Variants in ITGA3 observed in about 807,000 individuals in gnomAD.
ITGA3 encodes the protein integrin subunit alpha 3, also known as integrin alpha-3.
In ITGA3, 70 loss-of-function variants were observed where a neutral mutation model predicts 131.1. That is an observed-to-expected ratio of 0.53 (90% CI 0.44 to 0.65). The LOEUF is 0.65. Among genes scored for constraint, ITGA3 ranks in the 30% least tolerant of loss-of-function variants. The pLI, the probability that ITGA3 is intolerant of heterozygous loss-of-function variation, is 0.00. For missense variants in ITGA3, 1,098 were observed against 1,388.6 expected, an observed-to-expected ratio of 0.79 and a Z score of 3.33; for synonymous variants, 537 against 571.6, an observed-to-expected ratio of 0.94 and a Z score of 0.86.
chr17:50,079,140 A>C lies in ITGA3; in HGVS notation c.2465A>C (p.Tyr822Ser). ...GTLVLGLEWPYEVSNGKWLLY... is the reference protein window; with the variant it reads ...GTLVLGLEWPSEVSNGKWLLY... ...CTGGTCCTAGGTCTGGAGTGGCCCT[A>C]CGAAGTCAGCAATGGCAAGTGGCTG... Residue 822 changes from tyrosine (Y) to serine (S), a missense_variant, in exon 20 of 26, where the codon TAC becomes TCC. Tyr to Ser is a moderately radical substitution (Grantham distance 144, BLOSUM62 -2). Coordinates refer to ENST00000320031, the MANE Select transcript of ITGA3 (RefSeq NM_002204.4). 1 of 1,613,942 alleles carries C rather than the reference A, an allele frequency of 6.2e-7. No individual in the cohort carries two copies. Among genetic ancestry groups the C allele is most frequent in the Non-Finnish European group, 8.5e-7 (1 of 1,179,956 alleles).
chr17:50,081,088 T>C, intron 22 of ITGA3: 1 of 522,878 alleles, frequency 1.9e-6, no homozygotes, highest in Non-Finnish European at 3.4e-6. Context: ...TTGTTTCGGT[T>C]GTCCCCAGCA....
At chr17:50,088,496 C>T in intron 25 of ITGA3, 130 bp downstream of exon 25, 1 of 589,176 alleles carries the variant, frequency 1.7e-6, no homozygotes, top group South Asian at 2.0e-5. Context: ...CCCCAAAGAT[C>T]AGGTCACTCT....
In ITGA3 at chr17:50,076,921, G is replaced by A; in HGVS notation, c.1923-53G>A. ...CCCAGGGGCGGGGCCTAGTTGATCC[G>A]GGAGTGCCCTGGGGGCGGGGCTCTT... On this transcript the variant is annotated intron_variant, in intron 14 of 25. Coordinates refer to ENST00000320031, the MANE Select transcript of ITGA3 (RefSeq NM_002204.4). The A allele has an allele frequency of 3.8e-6, 6 of 1,565,908 alleles. No homozygotes were observed. The South Asian group carries it at 4.7e-5, about 12-fold the overall frequency.
chr17:50,090,107 GC>G lies in ITGA3; in HGVS notation c.*1033del. 1 of 382,740 alleles carries G rather than the reference GC, an allele frequency of 2.6e-6. No homozygotes were observed. The highest frequency in any genetic ancestry group is 5.4e-6 in the Non-Finnish European group (1 of 185,274). 23.7% of individuals were successfully genotyped at this position (382,740 alleles called of 1,614,324 possible). On this transcript the variant is annotated 3_prime_UTR_variant, in exon 26 of 26. Coordinates refer to ENST00000320031, the MANE Select transcript of ITGA3 (RefSeq NM_002204.4). Reference sequence around the variant, plus strand: ...CACCACTACCAGCCAGCCTCAGAAGGCCCCAGAGAGACCCTGCAAGACCACG... The same window carrying G: ...CACCACTACCAGCCAGCCTCAGAAGGCCCAGAGAGACCCTGCAAGACCACG...
chr17:50,060,377 TCTC>T (rs1193374767), intron 1 of ITGA3, among the ~76,000 whole-genome samples: 1 of 152,174 alleles, frequency 6.6e-6, no homozygotes, highest in Non-Finnish European at 1.5e-5. Flanking sequence ...CCAGGGGCCT[TCTC>T]CTCTTTGAGG....
At chr17:50,081,648 C>G (rs1344682434) in intron 23 of ITGA3, among the ~76,000 whole-genome samples, 1 of 152,186 alleles carries the variant, frequency 6.6e-6, no homozygotes, top group Non-Finnish European at 1.5e-5. Flanking sequence ...AATGTGCAGC[C>G]AGGGCTGAGA....
At chr17:50,085,292 C>A (rs1184340041) in intron 23 of ITGA3, among the ~76,000 whole-genome samples, 1 of 151,764 alleles carries the variant, frequency 6.6e-6, no homozygotes, top group Non-Finnish European at 1.5e-5. Flanking sequence ...TTATGTAGAT[C>A]ATATTAATAT....
At chr17:50,060,435 C>T (rs1908022886) in intron 1 of ITGA3, among the ~76,000 whole-genome samples, 1 of 152,240 alleles carries the variant, frequency 6.6e-6, no homozygotes, top group Admixed American at 6.5e-5. Context: ...CTGTGCCGCG[C>T]CCTTCTTTGA....
At chr17:50,065,586 C>T (rs989268132) in intron 3 of ITGA3, 1 of 152,302 alleles carries the variant, frequency 6.6e-6, no homozygotes, top group African/African-American at 2.4e-5. Context: ...GATAGTTCCA[C>T]ATGGCTGGGG....
At chr17:50,074,766 C>A (rs1178108051) in intron 10 of ITGA3, among the ~76,000 whole-genome samples, 2 of 152,160 alleles carry the variant, frequency 1.3e-5, no homozygotes, top group Non-Finnish European at 2.9e-5. Context: ...GAGCTCTGGA[C>A]GGCCTGGTTC....
intron 1 of ITGA3, among the ~76,000 whole-genome samples, chr17:50,057,028 G>A (rs116865482): frequency 2.0e-5 from 3 of 152,180 alleles, no homozygotes; most frequent in Non-Finnish European, 4.4e-5. Flanking sequence ...CCCCCTTCCC[G>A]TACGCTTGGG....
chr17:50,087,463 G>A (rs1161277726), intron 23 of ITGA3: 2 of 380,450 alleles, frequency 5.3e-6, no homozygotes, highest in Non-Finnish European at 9.5e-6. Flanking sequence ...ATCAGGGAAG[G>A]AGCTGGTACC....
At chr17:50,087,919 C>A in intron 24 of ITGA3, 50 bp downstream of exon 24, 1 of 1,505,482 alleles carries the variant, frequency 6.6e-7, no homozygotes, top group South Asian at 1.3e-5. Flanking sequence ...AGCACACTCA[C>A]CAGCCCTTCC....
At position 50,078,052 on chromosome 17, in the gene ITGA3, C is replaced by T. The variant is rs549325140; in HGVS notation, c.2146C>T (p.Leu716=). 4.9e-5 allele frequency: 79 copies of T among 1,610,704 alleles called. 3 individuals carry two copies. The South Asian group carries it at 8.4e-4, about 17-fold the overall frequency. Residue 716 remains leucine (L), a synonymous_variant, in exon 17 of 26, where the codon CTG becomes TTG. Coordinates refer to ENST00000320031, the MANE Select transcript of ITGA3 (RefSeq NM_002204.4). The part of the protein sequence containing the change: ...NPFKRNQRME[L]LIAFEVIGVT... ...TCCCTGACCCTTGTGGCAGATGGAG[C>T]TGCTCATCGCCTTTGAGGTCATCGG...
intron 14 of ITGA3, 85 bp from the exon 15 acceptor site, chr17:50,076,889 A>G: frequency 6.8e-7 from 1 of 1,474,752 alleles, no homozygotes; most frequent in South Asian, 1.3e-5. Context: ...TTTCTCACCT[A>G]GGAGACCCCA....
At chr17:50,069,685 G>A (rs991518865) in intron 4 of ITGA3, among the ~76,000 whole-genome samples, 10 of 152,074 alleles carry the variant, frequency 6.6e-5, no homozygotes, top group Admixed American at 1.3e-4. Context: ...AATAAATATC[G>A]CTACTTTCTC....
At chr17:50,060,188 G>A (rs116971555) in intron 1 of ITGA3, among the ~76,000 whole-genome samples, 386 of 152,320 alleles carry the variant, frequency 2.5e-3, no homozygotes, top group Non-Finnish European at 4.1e-3. Flanking sequence ...GATAGGAGGG[G>A]AACACAGGAG....
At chr17:50,083,092 A>G (rs1407300384) in intron 23 of ITGA3, among the ~76,000 whole-genome samples, 1 of 152,250 alleles carries the variant, frequency 6.6e-6, no homozygotes, top group Non-Finnish European at 1.5e-5. Context: ...AAGAGGTAGA[A>G]GAAGGGCCAG....
At position 50,078,942 on chromosome 17, in the gene ITGA3, G is replaced by C; in HGVS notation, c.2400+16G>C. The stretch of plus-strand genomic sequence containing the variant: ...TGAATTCCAGGTAAGGGGCTCGCCA[G>C]AGTCCTGGGCTGGGGACTTCTAGGA... On this transcript the variant is annotated intron_variant, in intron 19 of 25. Coordinates refer to ENST00000320031, the MANE Select transcript of ITGA3 (RefSeq NM_002204.4). 6.4e-7 allele frequency: 1 copy of C among 1,562,472 alleles called. No individual in the cohort carries two copies. Among genetic ancestry groups the C allele is most frequent in the Non-Finnish European group, 8.8e-7 (1 of 1,132,928 alleles).
Sources: gnomAD v4.1 joint callset for allele counts (sites outside exome capture counted in the v4.1 genomes callset) on GRCh38, gnomAD v4.1.1 for gene constraint, MANE v1.5 for transcripts, NCBI Gene and HGNC (gene_info 2026-07-23, HGNC 2026-07-21) for gene names.